ARID4B: variants seen among roughly 807,000 people sequenced by gnomAD.
ARID4B encodes AT-rich interaction domain 4B, also known as AT-rich interactive domain-containing protein 4B.
A neutral mutation model predicts 147.5 loss-of-function variants in ARID4B; 26 were observed. The ratio of observed to expected loss-of-function variants is 0.18; its 90% CI spans 0.13 to 0.24. ARID4B has a LOEUF of 0.24. Ranked by LOEUF, ARID4B falls within the 10% of genes least tolerant of loss-of-function variation. The probability of loss-of-function intolerance (pLI) is 1.00; values close to 1 mark genes in which losing one functional copy is unlikely to be tolerated. For missense variants in ARID4B, 1,179 were observed against 1,511.5 expected, an observed-to-expected ratio of 0.78 and a Z score of 3.65; for synonymous variants, 512 against 507.9, an observed-to-expected ratio of 1.01 and a Z score of -0.11.
chr1:235,171,227 C>T (rs992879876), intron 23 of ARID4B, among the ~76,000 whole-genome samples: 8 of 152,068 alleles, frequency 5.3e-5, no homozygotes, highest in African/African-American at 9.6e-5. Flanking sequence ...GTCAAGAGAT[C>T]GAGCCATCCT....
chr1:235,182,413 T>A lies in ARID4B; in HGVS notation c.2506A>T (p.Thr836Ser), dbSNP rs142839596. 8.7e-6 allele frequency: 14 copies of A among 1,608,986 alleles called. No individual in the cohort carries two copies. The African/African-American group carries it at 1.6e-4, about 19-fold the overall frequency. Residue 836 changes from threonine to serine, a missense_variant, in exon 20 of 24, where the codon ACT becomes TCT. Thr to Ser is a moderately conservative substitution (Grantham distance 58, BLOSUM62 1). Around this residue, in one of 10 missense-constraint regions of ARID4B, gnomAD observed 321 missense variants for 342.4 expected, o/e 0.94. Coordinates refer to ENST00000264183, the MANE Select transcript of ARID4B (RefSeq NM_016374.6). ...RYCNTEECLKTGSPGKKEEKA... is the reference protein window; with the variant it reads ...RYCNTEECLKSGSPGKKEEKA... ...TCTTCCTTTTTGCCAGGTGATCCAG[T>A]TTTTAGACACTCTTCTGTATTGCAA...
At chr1:235,256,955 A>C (rs1670024223) in intron 4 of ARID4B, among the ~76,000 whole-genome samples, 1 of 152,092 alleles carries the variant, frequency 6.6e-6, no homozygotes, top group Non-Finnish European at 1.5e-5. Flanking sequence ...AACTTATTGC[A>C]ACCTTGAACT....
intron 2 of ARID4B, among the ~76,000 whole-genome samples, chr1:235,320,230 G>A (rs1032788818): frequency 5.9e-5 from 9 of 152,118 alleles, no homozygotes; most frequent in South Asian, 2.1e-4. Flanking sequence ...ACTTAAACTC[G>A]GGAGACAGAG....
At position 235,213,883 on chromosome 1, in the gene ARID4B, T is replaced by C. The variant is rs1270959431; in HGVS notation, c.1727A>G (p.Gln576Arg). ...ATTTTTCCCTCGTCCATACCGCACT[T>C]GGACTTTCATGCCTGGTGGATAGCA... ...FECYPPGMKV[Q>R]VRYGRGKNQK... Residue 576 changes from glutamine to arginine, a missense_variant, in exon 17 of 24, where the codon CAA becomes CGA. Around this residue, in one of 10 missense-constraint regions of ARID4B, gnomAD observed 28 missense variants for 67.6 expected, o/e 0.41. Transcript: ENST00000264183. 6.2e-7 allele frequency: 1 copy of C among 1,614,132 alleles called. No homozygotes were observed. The highest frequency in any genetic ancestry group is 8.5e-7 in the Non-Finnish European group (1 of 1,180,014).
intron 3 of ARID4B, among the ~76,000 whole-genome samples, chr1:235,258,983 G>A (rs991271941): frequency 1.3e-5 from 2 of 152,030 alleles, no homozygotes; most frequent in African/African-American, 4.8e-5. Flanking sequence ...AATTACACAT[G>A]TTAAAAAATA....
At chr1:235,289,407 C>G (rs1171478760) in intron 2 of ARID4B, among the ~76,000 whole-genome samples, 1 of 152,104 alleles carries the variant, frequency 6.6e-6, no homozygotes, top group Non-Finnish European at 1.5e-5. Flanking sequence ...TAAAGAACAT[C>G]TAAAATCAGT....
intron 17 of ARID4B, among the ~76,000 whole-genome samples, chr1:235,209,557 T>TC: frequency 8.9e-6 from 1 of 112,236 alleles, no homozygotes; most frequent in African/African-American, 4.1e-5. Context: ...GATTTTTTTG[T>TC]TTTTTGTTTT....
intron 2 of ARID4B, among the ~76,000 whole-genome samples, chr1:235,296,740 G>T (rs867478262): frequency 1.1e-4 from 15 of 138,676 alleles, no homozygotes; most frequent in Admixed American, 3.7e-4. Context: ...GGTTACAGGA[G>T]TGAGCCACCT....
chr1:235,312,986 GAAAA>G (rs1280616309), intron 2 of ARID4B, among the ~76,000 whole-genome samples: 7 of 151,844 alleles, frequency 4.6e-5, no homozygotes, highest in Non-Finnish European at 1.0e-4. Context: ...AAAAAGAAAA[GAAAA>G]GAAAAGAAAA....
chr1:235,216,084 T>C (rs1371599843), intron 16 of ARID4B, among the ~76,000 whole-genome samples: 7 of 152,028 alleles, frequency 4.6e-5, no homozygotes, highest in Non-Finnish European at 1.0e-4. Flanking sequence ...TTTTGTATAG[T>C]GGGGCAGGAG....
chr1:235,172,629 T>C lies in ARID4B; in HGVS notation c.3800A>G (p.Lys1267Arg). The C allele has an allele frequency of 1.3e-6, 2 of 1,563,150 alleles. No homozygotes were observed. Among genetic ancestry groups the C allele is most frequent in the Non-Finnish European group, 1.7e-6 (2 of 1,159,716 alleles). The change falls in exon 23 of 24, where the codon AAA becomes AGA. Residue 1267 changes from lysine (K) to arginine (R), a missense_variant. By Grantham distance (26) the Lys-to-Arg change is conservative (BLOSUM62 2). This residue lies in a region of ARID4B where 357 missense variants were observed against 427.3 expected (regional missense o/e 0.84). Coordinates refer to ENST00000264183, the MANE Select transcript of ARID4B (RefSeq NM_016374.6). ...IDRRRKRLKK[K>R]ERESAATSSS... ...GTAAAAATACTTACTTTCTCTCTCT[T>C]TCTTCTTTAAACGCTTTCTCCTCCG...
At chr1:235,255,287 C>CTCTCTA (rs1553304420) in intron 5 of ARID4B, among the ~76,000 whole-genome samples, 50 of 136,610 alleles carry the variant, frequency 3.7e-4, no homozygotes, top group African/African-American at 1.2e-3. Context: ...CTCTCTCTCT[C>CTCTCTA]TATATATATA....
Position 235,198,868 on chromosome 1 carries a change from G to A in ARID4B, c.1842-2753C>T, listed in dbSNP as rs955286938. On this transcript the variant is annotated intron_variant, in intron 17 of 23. Transcript: ENST00000264183. ...TAATCCCAGCACTTTGGAAGGCTGA[G>A]GTGGACAGATCACCTGAGGTCAGGA... is the stretch of plus-strand genomic sequence containing the variant. Among the ~76,000 whole-genome samples the A allele has an allele frequency of 2.0e-5, 3 of 152,230 alleles. No individual in the cohort carries two copies. In the East Asian group the frequency reaches 5.8e-4, roughly 29 times the overall value.
At chr1:235,248,961 T>G (rs1669470764) in intron 6 of ARID4B, among the ~76,000 whole-genome samples, 2 of 152,192 alleles carry the variant, frequency 1.3e-5, no homozygotes, top group Admixed American at 1.3e-4. Context: ...TAAAATGGGC[T>G]GCAGAAAATA....
intron 17 of ARID4B, among the ~76,000 whole-genome samples, chr1:235,197,010 G>A (rs1665554087): frequency 6.6e-6 from 1 of 151,858 alleles, no homozygotes; most frequent in Admixed American, 6.6e-5. Flanking sequence ...CTCCCTACAT[G>A]TACAGACAGC....
chr1:235,217,011 T>A (rs1667135951), intron 16 of ARID4B, among the ~76,000 whole-genome samples: 1 of 152,174 alleles, frequency 6.6e-6, no homozygotes, highest in Non-Finnish European at 1.5e-5. Flanking sequence ...ACTGAGTTGA[T>A]GAATACAAAC....
chr1:235,306,957 G>A (rs1323087629), intron 2 of ARID4B, among the ~76,000 whole-genome samples: 1 of 152,138 alleles, frequency 6.6e-6, no homozygotes, highest in Non-Finnish European at 1.5e-5. Flanking sequence ...ACTGTACCAT[G>A]CCAAATAAAA....
chr1:235,173,135 G>C (rs546131828), intron 22 of ARID4B, among the ~76,000 whole-genome samples: 1 of 151,954 alleles, frequency 6.6e-6, no homozygotes, highest in East Asian at 1.9e-4. Context: ...CACGAGGTCA[G>C]GAGTTCGATA....
intron 2 of ARID4B, among the ~76,000 whole-genome samples, chr1:235,301,920 T>C (rs2103248500): frequency 6.6e-6 from 1 of 151,632 alleles, no homozygotes; most frequent in South Asian, 2.1e-4. Context: ...TCAAAACTCC[T>C]GACCTCAGGT....
Sources: allele counts gnomAD v4.1 joint callset (sites outside exome capture counted in the v4.1 genomes callset), GRCh38; gene constraint gnomAD v4.1.1; regional missense constraint gnomAD v4.1.1; transcripts MANE v1.5; gene names NCBI Gene and HGNC (gene_info 2026-07-23, HGNC 2026-07-21).